Variants in SLX4IP observed in about 807,000 individuals in gnomAD.
SLX4IP encodes the protein SLX4 interacting protein.
A neutral mutation model predicts 32.9 loss-of-function variants in SLX4IP; 34 were observed. That is an observed-to-expected ratio of 1.03 (90% CI 0.79 to 1.38). The LOEUF is 1.38. SLX4IP is among the 40% of genes most tolerant of loss of function. The probability of loss-of-function intolerance (pLI) is 0.00; values close to 1 mark genes in which losing one functional copy is unlikely to be tolerated. For missense variants in SLX4IP, 444 were observed against 479.0 expected (o/e 0.93, Z 0.68); for synonymous variants, 172 against 171.7 (o/e 1.00, Z -0.01).
intron 2 of SLX4IP, among the ~76,000 whole-genome samples, chr20:10,470,614 A>G (rs1474855000): frequency 6.6e-6 from 1 of 152,206 alleles, no homozygotes; most frequent in African/African-American, 2.4e-5. Context: ...CACTTGTGCT[A>G]TATTTTGCGA....
chr20:10,546,240 G>A (rs1421477718), intron 2 of SLX4IP, among the ~76,000 whole-genome samples: 3 of 152,196 alleles, frequency 2.0e-5, no homozygotes, highest in South Asian at 2.1e-4. Flanking sequence ...CCTTACGGAC[G>A]AGTACATTGC....
intron 2 of SLX4IP, among the ~76,000 whole-genome samples, chr20:10,460,456 G>A (rs922745152): frequency 6.6e-6 from 1 of 152,184 alleles, no homozygotes; most frequent in African/African-American, 2.4e-5. Context: ...ATGAAAGATG[G>A]CATACTCAGT....
At chr20:10,495,429 G>A (rs2065658640) in intron 2 of SLX4IP, among the ~76,000 whole-genome samples, 1 of 152,110 alleles carries the variant, frequency 6.6e-6, no homozygotes, top group African/African-American at 2.4e-5. Flanking sequence ...CATGGTCGGG[G>A]TTTTGTAAAT....
At chr20:10,579,284 T>C (rs1170931904) in intron 4 of SLX4IP, among the ~76,000 whole-genome samples, 1 of 152,216 alleles carries the variant, frequency 6.6e-6, no homozygotes, top group Non-Finnish European at 1.5e-5. Context: ...CATGTGGATA[T>C]CCAGTTGTCC....
intron 2 of SLX4IP, among the ~76,000 whole-genome samples, chr20:10,509,339 A>G (rs1359361602): frequency 1.3e-5 from 2 of 152,208 alleles, no homozygotes; most frequent in African/African-American, 2.4e-5. Flanking sequence ...AAAGCCCTGA[A>G]TGGAAAATGA....
intron 2 of SLX4IP, among the ~76,000 whole-genome samples, chr20:10,523,134 G>T (rs2065913258): frequency 6.6e-6 from 1 of 152,128 alleles, no homozygotes; most frequent in African/African-American, 2.4e-5. Flanking sequence ...GCATGGGATG[G>T]GCCAGTGGGT....
chr20:10,477,071 G>A (rs1257419486), intron 2 of SLX4IP, among the ~76,000 whole-genome samples: 1 of 152,166 alleles, frequency 6.6e-6, no homozygotes. Flanking sequence ...CATTAATGTG[G>A]GTTTTCCCGT....
At chr20:10,476,977 A>G (rs923488500) in intron 2 of SLX4IP, among the ~76,000 whole-genome samples, 2 of 152,242 alleles carry the variant, frequency 1.3e-5, no homozygotes, top group East Asian at 3.8e-4. Context: ...AATTTCAGCA[A>G]AACCAAGAGT....
At chr20:10,612,033 C>T (rs2066973065) in intron 6 of SLX4IP, among the ~76,000 whole-genome samples, 1 of 152,202 alleles carries the variant, frequency 6.6e-6, no homozygotes, top group Non-Finnish European at 1.5e-5. Context: ...TCATTCTTCT[C>T]ATCCATCACA....
At chr20:10,495,580 G>A (rs2065660181) in intron 2 of SLX4IP, among the ~76,000 whole-genome samples, 1 of 152,094 alleles carries the variant, frequency 6.6e-6, no homozygotes, top group South Asian at 2.1e-4. Flanking sequence ...TCTCACTATA[G>A]TAATAGATTC....
chr20:10,619,207 C>CTT (rs895955485), intron 6 of SLX4IP, among the ~76,000 whole-genome samples: 3,128 of 142,552 alleles, frequency 0.022, 84 homozygotes, highest in African/African-American at 0.064. Context: ...TTTTTCTTTT[C>CTT]TTTTTTTTTC....
intron 2 of SLX4IP, among the ~76,000 whole-genome samples, chr20:10,527,097 A>T (rs796812291): frequency 9.2e-5 from 14 of 152,224 alleles, no homozygotes; most frequent in Admixed American, 6.5e-4. Context: ...ATGATCACAT[A>T]CCATCAGTAT....
intron 5 of SLX4IP, among the ~76,000 whole-genome samples, chr20:10,600,594 TG>T (rs1183355399): frequency 6.6e-6 from 1 of 152,170 alleles, no homozygotes; most frequent in Non-Finnish European, 1.5e-5. Context: ...GGTGTTAACT[TG>T]TTTAAATTCT....
At chr20:10,458,932 C>T (rs115327350) in intron 2 of SLX4IP, among the ~76,000 whole-genome samples, 2,230 of 152,270 alleles carry the variant, frequency 0.015, 51 homozygotes, top group African/African-American at 0.049. Flanking sequence ...TTTAGGGAAT[C>T]GCCACACTGT....
rs1328086607 is a variant in SLX4IP at position 10,626,236 on chromosome 20, G to C, written c.*2857G>C. 8.2e-6 allele frequency: 1 copy of C among 122,128 alleles called. No homozygotes were observed. The highest frequency in any genetic ancestry group is 2.6e-4 in the South Asian group (1 of 3,902). 7.6% of individuals were successfully genotyped at this position (122,128 alleles called of 1,614,324 possible). On this transcript the variant is annotated 3_prime_UTR_variant, in exon 8 of 8. Transcript: ENST00000334534. ...TTTTTAGCAGAAACGGGTTTTCACC[G>C]TGTTGGCCAGGGTGGTCTCGATCTC... is the stretch of plus-strand genomic sequence containing the variant.
intron 2 of SLX4IP, among the ~76,000 whole-genome samples, chr20:10,529,434 C>CA (rs959011592): frequency 1.3e-5 from 2 of 151,352 alleles, no homozygotes; most frequent in South Asian, 2.1e-4. Context: ...ACTAAAAATA[C>CA]AAAAAAATTA....
At chr20:10,465,525 G>A (rs1023170777) in intron 2 of SLX4IP, among the ~76,000 whole-genome samples, 4 of 152,156 alleles carry the variant, frequency 2.6e-5, no homozygotes, top group Non-Finnish European at 5.9e-5. Context: ...TTGAGATTGA[G>A]TCTCGCTTGT....
chr20:10,562,332 G>C (rs2066342111), intron 4 of SLX4IP, among the ~76,000 whole-genome samples: 1 of 152,324 alleles, frequency 6.6e-6, no homozygotes, highest in East Asian at 1.9e-4. Context: ...GGGGGATCTA[G>C]TGGGAAGGTG....
chr20:10,510,640 C>G (rs1420858253), intron 2 of SLX4IP, among the ~76,000 whole-genome samples: 1 of 149,676 alleles, frequency 6.7e-6, no homozygotes, highest in Non-Finnish European at 1.5e-5. Context: ...CAGTCTCGCT[C>G]TGTCACCAGA....
Sources: allele counts gnomAD v4.1 joint callset (sites outside exome capture counted in the v4.1 genomes callset), GRCh38; gene constraint gnomAD v4.1.1; transcripts MANE v1.5; gene names NCBI Gene and HGNC (gene_info 2026-07-23, HGNC 2026-07-21).